The following MCC variants were observed in gnomAD, a reference collection of about 807,000 sequenced individuals.
MCC encodes the protein colorectal mutant cancer protein.
MCC carries 90 observed loss-of-function variants against 116.2 expected under a neutral mutation model. That is an observed-to-expected ratio of 0.77 (90% confidence interval 0.65 to 0.92). The LOEUF is 0.92. MCC is among the 40% of genes least tolerant of loss of function. The pLI is 0.00. For missense variants in MCC, 1,516 were observed against 1,312.2 expected, an observed-to-expected ratio of 1.16 and a Z score of -2.40; for synonymous variants, 578 against 510.5, an observed-to-expected ratio of 1.13 and a Z score of -1.78.
intron 1 of MCC, among the ~76,000 whole-genome samples, chr5:113,459,209 T>G (rs1301035716): frequency 7.0e-6 from 1 of 142,764 alleles, no homozygotes; most frequent in African/African-American, 2.7e-5. Flanking sequence ...AGAGAGAATA[T>G]GAATGAAGAC....
intron 1 of MCC, among the ~76,000 whole-genome samples, chr5:113,440,221 A>G (rs996885245): frequency 5.9e-5 from 9 of 152,204 alleles, no homozygotes; most frequent in Admixed American, 5.9e-4. Context: ...ATTAAAGATC[A>G]ATCAGGATAT....
At chr5:113,104,410 T>A in intron 6 of MCC, 55 bp from the exon 7 acceptor site, 1 of 1,507,728 alleles carries the variant, frequency 6.6e-7, no homozygotes, top group Non-Finnish European at 9.0e-7. Flanking sequence ...GCTGTCTGTT[T>A]TGCTTACCAT....
At chr5:113,224,820 C>G (rs1340369451) in intron 3 of MCC, among the ~76,000 whole-genome samples, 2 of 152,178 alleles carry the variant, frequency 1.3e-5, no homozygotes, top group African/African-American at 2.4e-5. Context: ...TTCGCAAAAA[C>G]AATCCAACCA....
At position 113,250,301 on chromosome 5, in the gene MCC, A is replaced by G. The variant is rs148164960; in HGVS notation, c.627+90218T>C. 3.0e-4 allele frequency among the ~76,000 whole-genome samples: 45 copies of G among 152,378 alleles called. No homozygotes were observed. The East Asian group carries it at 8.7e-3, about 29-fold the overall frequency. On this transcript the variant is annotated intron_variant, in intron 3 of 18. Transcript: ENST00000408903. Reference sequence around the variant, plus strand: ...ACTCTGTAAAGCAAAGATAATGAGAACAAGTGACTGCTCAAACGTCCAACG... The same window carrying G: ...ACTCTGTAAAGCAAAGATAATGAGAGCAAGTGACTGCTCAAACGTCCAACG...
chr5:113,232,251 T>G (rs979726603), intron 3 of MCC, among the ~76,000 whole-genome samples: 2 of 152,208 alleles, frequency 1.3e-5, no homozygotes, highest in African/African-American at 4.8e-5. Context: ...CCTTTTCAGA[T>G]TTGCATTTCT....
chr5:113,347,371 GTTTTC>G (rs1362519329), intron 2 of MCC, among the ~76,000 whole-genome samples: 1 of 151,078 alleles, frequency 6.6e-6, no homozygotes, highest in Non-Finnish European at 1.5e-5. Context: ...ATTTTTATTA[GTTTTC>G]TTTTCGTGTT....
intron 6 of MCC, among the ~76,000 whole-genome samples, chr5:113,106,536 A>T (rs915392132): frequency 6.0e-5 from 9 of 149,518 alleles, no homozygotes; most frequent in Non-Finnish European, 1.3e-4. Context: ...AATTTTAATT[A>T]AAAAAAAAAT....
chr5:113,434,902 C>T lies in MCC; in HGVS notation c.171-49690G>A. On this transcript the variant is annotated intron_variant, in intron 1 of 18. Coordinates refer to ENST00000408903, the MANE Select transcript of MCC (RefSeq NM_001085377.2). The surrounding 1 kb of genome is among the most constrained non-coding windows in gnomAD (Gnocchi z 4.2). ...TACAGCCCCGAGGCGCATGGGCCAG[C>T]AGTGTGCTCATTTACATCCTGGATA... 2 of 1,538,750 alleles carry T rather than the reference C, an allele frequency of 1.3e-6. No individual in the cohort carries two copies. Among genetic ancestry groups the T allele is most frequent in the Non-Finnish European group, 1.8e-6 (2 of 1,142,048 alleles).
intron 14 of MCC, among the ~76,000 whole-genome samples, chr5:113,054,898 A>G (rs1295557091): frequency 2.6e-5 from 4 of 152,226 alleles, no homozygotes; most frequent in African/African-American, 9.6e-5. Flanking sequence ...GGCCTTTTCC[A>G]GCAGTGGGCA....
chr5:113,151,301 T>TCC lies in MCC; in HGVS notation c.741+6_741+7dup. On this transcript the variant is annotated splice_region_variant and intron_variant, in intron 4 of 18. Coordinates refer to ENST00000408903, the MANE Select transcript of MCC (RefSeq NM_001085377.2). ...AAAGCAAACTAAAAACCTTTCCAGA[T>TCC]CCCTTACCTGTGCCTTGGCCAATTT... The TCC allele has an allele frequency of 1.3e-6, 2 of 1,569,828 alleles. No homozygotes were observed. The highest frequency in any genetic ancestry group is 1.8e-6 in the Non-Finnish European group (2 of 1,142,642).
chr5:113,077,395 T>C (rs569045614), intron 11 of MCC, among the ~76,000 whole-genome samples: 22 of 152,112 alleles, frequency 1.4e-4, no homozygotes, highest in Non-Finnish European at 5.9e-5. Context: ...AAATTGACCG[T>C]GTAGTTAGAA....
chr5:113,094,211 T>C (rs796102676), intron 8 of MCC, among the ~76,000 whole-genome samples: 3 of 152,304 alleles, frequency 2.0e-5, no homozygotes, highest in African/African-American at 7.2e-5. Flanking sequence ...TGTTTCAGGA[T>C]AGTGGTATTT....
At chr5:113,411,087 A>T (rs886447966) in intron 1 of MCC, among the ~76,000 whole-genome samples, 1 of 152,198 alleles carries the variant, frequency 6.6e-6, no homozygotes, top group Non-Finnish European at 1.5e-5. Flanking sequence ...GTGTCTTCAT[A>T]GCAGCATGAT....
chr5:113,258,537 A>C (rs1765104080), intron 3 of MCC, among the ~76,000 whole-genome samples: 1 of 152,260 alleles, frequency 6.6e-6, no homozygotes, highest in South Asian at 2.1e-4. Context: ...CAAGGAATCT[A>C]GGTTGCATGC....
chr5:113,093,952 G>A (rs1581042868), intron 8 of MCC, among the ~76,000 whole-genome samples: 2 of 152,200 alleles, frequency 1.3e-5, no homozygotes, highest in African/African-American at 2.4e-5. Flanking sequence ...TGGTTGAGAT[G>A]AGATGATTCC....
At chr5:113,373,456 T>C (rs907141497) in intron 2 of MCC, among the ~76,000 whole-genome samples, 1 of 152,236 alleles carries the variant, frequency 6.6e-6, no homozygotes, top group African/African-American at 2.4e-5. Context: ...CATCTGACTA[T>C]TGATTACTCT....
intron 1 of MCC, among the ~76,000 whole-genome samples, chr5:113,431,149 G>T (rs1172283905): frequency 6.6e-6 from 1 of 152,030 alleles, no homozygotes; most frequent in African/African-American, 2.4e-5. Flanking sequence ...GATTGGAGGA[G>T]TTTTCCAGTG....
chr5:113,078,822 G>A (rs1004614960), intron 11 of MCC, among the ~76,000 whole-genome samples: 24 of 152,202 alleles, frequency 1.6e-4, no homozygotes, highest in Non-Finnish European at 3.5e-4. Flanking sequence ...AATGAGGCAG[G>A]AGAAAGAAAT....
intron 5 of MCC, among the ~76,000 whole-genome samples, chr5:113,139,869 G>A (rs1759077889): frequency 6.6e-6 from 1 of 152,122 alleles, no homozygotes. Flanking sequence ...CTATAGGTGT[G>A]CACCACCATA....
Sources: allele counts gnomAD v4.1 joint callset (sites outside exome capture counted in the v4.1 genomes callset), GRCh38; gene constraint gnomAD v4.1.1; non-coding constraint Gnocchi (gnomAD v3.1); transcripts MANE v1.5; gene names NCBI Gene and HGNC (gene_info 2026-07-23, HGNC 2026-07-21).